TMCC1: variants seen among roughly 807,000 people sequenced by gnomAD.
TMCC1 encodes the protein transmembrane and coiled-coil domain family 1.
Under a neutral mutation model 52.4 loss-of-function variants are expected in TMCC1, and 15 were observed. The ratio of observed to expected loss-of-function variants is 0.29; its 90% CI spans 0.19 to 0.44. The LOEUF is 0.44. Ranked by LOEUF, TMCC1 falls within the 20% of genes least tolerant of loss-of-function variation. The pLI is 1.00. For missense variants in TMCC1, 503 were observed against 806.0 expected (o/e 0.62, Z 4.55); for synonymous variants, 279 against 301.9 (o/e 0.92, Z 0.79).
chr3:129,738,608 T>C (rs2051185773), intron 4 of TMCC1, among the ~76,000 whole-genome samples: 1 of 152,154 alleles, frequency 6.6e-6, no homozygotes, highest in African/African-American at 2.4e-5. Flanking sequence ...AGCAGACAAT[T>C]GAACTAGAAA....
At chr3:129,676,928 G>A (rs1354467312) in intron 4 of TMCC1, among the ~76,000 whole-genome samples, 1 of 151,994 alleles carries the variant, frequency 6.6e-6, no homozygotes, top group Non-Finnish European at 1.5e-5. Context: ...TGGCCTGTAC[G>A]TTCATTAATC....
chr3:129,763,197 C>CAAAAAA (rs1553860522), intron 4 of TMCC1, among the ~76,000 whole-genome samples: 4 of 122,592 alleles, frequency 3.3e-5, no homozygotes, highest in Non-Finnish European at 5.1e-5. Flanking sequence ...GACTCTGTCT[C>CAAAAAA]AAAAAATAAA....
At chr3:129,768,662 A>G (rs139700387) in intron 4 of TMCC1, among the ~76,000 whole-genome samples, 1 of 152,350 alleles carries the variant, frequency 6.6e-6, no homozygotes, top group East Asian at 1.9e-4. Context: ...ACATCCCACA[A>G]GAGAAAATGA....
At chr3:129,824,708 T>TTTTTTTTTTTTTTTTTTTTTTTGAGACGG (rs2058581381) in intron 4 of TMCC1, among the ~76,000 whole-genome samples, 1 of 152,150 alleles carries the variant, frequency 6.6e-6, no homozygotes, top group Non-Finnish European at 1.5e-5. Context: ...TCTTCATTTC[T>TTTTTTTTTTTTTTTTTTTTTTTGAGACGG]AACTTATGCC....
At chr3:129,838,446 GA>G (rs1027534640) in intron 2 of TMCC1, among the ~76,000 whole-genome samples, 25 of 151,442 alleles carry the variant, frequency 1.7e-4, no homozygotes, top group Non-Finnish European at 2.5e-4. Context: ...AAAAGAAACT[GA>G]AAATGCCAAA....
intron 4 of TMCC1, among the ~76,000 whole-genome samples, chr3:129,757,464 G>A (rs567983114): frequency 6.6e-6 from 1 of 152,214 alleles, no homozygotes; most frequent in Admixed American, 6.5e-5. Context: ...GCCAACCAGG[G>A]CTCTCCTAAA....
At chr3:129,843,104 TG>T (rs759244582) in intron 2 of TMCC1, among the ~76,000 whole-genome samples, 7 of 152,104 alleles carry the variant, frequency 4.6e-5, no homozygotes, top group Non-Finnish European at 8.8e-5. Flanking sequence ...CCCAGCACTT[TG>T]GGAGGCTGAG....
chr3:129,711,220 A>G (rs976845580), intron 4 of TMCC1, among the ~76,000 whole-genome samples: 10 of 152,210 alleles, frequency 6.6e-5, no homozygotes, highest in Non-Finnish European at 1.5e-4. Context: ...GCACTCCAGA[A>G]TCACTTGCCG....
chr3:129,845,056 G>C lies in TMCC1; in HGVS notation c.-183-12230C>G, dbSNP rs975857117. Among the ~76,000 whole-genome samples, 3 of 152,052 alleles carry C rather than the reference G, an allele frequency of 2.0e-5. No homozygotes were observed. In the South Asian group the frequency reaches 6.2e-4, roughly 31 times the overall value. ...ACACAAAAATTAGGTGGGTGTGGTGGTGTATCCCTGTAGTCCCAGCTACTC... is the reference window on the plus strand; with the variant it reads ...ACACAAAAATTAGGTGGGTGTGGTGCTGTATCCCTGTAGTCCCAGCTACTC... On this transcript the variant is annotated intron_variant, in intron 2 of 6. Coordinates refer to ENST00000393238, the MANE Select transcript of TMCC1 (RefSeq NM_001017395.5).
chr3:129,852,873 T>C (rs1560550901), intron 2 of TMCC1, among the ~76,000 whole-genome samples: 1 of 152,228 alleles, frequency 6.6e-6, no homozygotes, highest in Non-Finnish European at 1.5e-5. Context: ...AGTGAGGTAA[T>C]TTTGGTCTTA....
intron 2 of TMCC1, among the ~76,000 whole-genome samples, chr3:129,849,750 A>T (rs916509367): frequency 6.6e-6 from 1 of 151,974 alleles, no homozygotes; most frequent in Non-Finnish European, 1.5e-5. Context: ...TGGGCAACAG[A>T]GCGAGACTCC....
At chr3:129,812,499 C>T (rs1340102524) in intron 4 of TMCC1, among the ~76,000 whole-genome samples, 2 of 152,030 alleles carry the variant, frequency 1.3e-5, no homozygotes, top group African/African-American at 2.4e-5. Flanking sequence ...ACTGAGATTT[C>T]ACTTTTAATA....
intron 2 of TMCC1, among the ~76,000 whole-genome samples, chr3:129,849,280 T>C (rs1016661104): frequency 6.6e-6 from 1 of 151,412 alleles, no homozygotes; most frequent in African/African-American, 2.4e-5. Flanking sequence ...CTGGCCAACA[T>C]GGTGAAACTC....
intron 4 of TMCC1, among the ~76,000 whole-genome samples, chr3:129,726,894 A>AAAAAAAAAAAAAAAAAAAAAAAAC (rs2050145668): frequency 7.0e-6 from 1 of 143,670 alleles, no homozygotes; most frequent in Non-Finnish European, 1.5e-5. Flanking sequence ...AAAAAAAAAA[A>AAAAAAAAAAAAAAAAAAAAAAAAC]AAAAGAACCA....
chr3:129,780,736 T>A (rs2055453945), intron 4 of TMCC1, among the ~76,000 whole-genome samples: 1 of 152,098 alleles, frequency 6.6e-6, no homozygotes, highest in Non-Finnish European at 1.5e-5. Flanking sequence ...CATTAAATTC[T>A]ATTAATCCTT....
intron 4 of TMCC1, 137 bp from the exon 5 acceptor site, chr3:129,671,401 T>C: frequency 1.1e-6 from 1 of 893,212 alleles, no homozygotes; most frequent in African/African-American, 1.7e-5. Context: ...CCTTGTCCTA[T>C]GCCAGCCCTG....
intron 4 of TMCC1, among the ~76,000 whole-genome samples, chr3:129,764,426 ACTG>A (rs1462089481): frequency 1.3e-5 from 2 of 152,146 alleles, no homozygotes; most frequent in African/African-American, 4.8e-5. Context: ...CAATTTCTCC[ACTG>A]CTATCACAAG....
chr3:129,710,143 G>A (rs1163908543), intron 4 of TMCC1, among the ~76,000 whole-genome samples: 4 of 152,002 alleles, frequency 2.6e-5, no homozygotes, highest in Non-Finnish European at 5.9e-5. Flanking sequence ...CTGAGATCGC[G>A]CCACTGCTTT....
At chr3:129,736,762 C>T (rs183727625) in intron 4 of TMCC1, among the ~76,000 whole-genome samples, 150 of 152,154 alleles carry the variant, frequency 9.9e-4, no homozygotes, top group African/African-American at 3.4e-3. Flanking sequence ...CCTCATGATC[C>T]ACCTGGCTCA....
Sources: gnomAD v4.1 joint callset for allele counts (sites outside exome capture counted in the v4.1 genomes callset) on GRCh38, gnomAD v4.1.1 for gene constraint, MANE v1.5 for transcripts, NCBI Gene and HGNC (gene_info 2026-07-23, HGNC 2026-07-21) for gene names.